The following USP42 variants were observed in gnomAD, a reference collection of about 807,000 sequenced individuals.
The protein encoded by USP42 is ubiquitin carboxyl-terminal hydrolase 42.
USP42 carries 23 observed loss-of-function variants against 113.0 expected under a neutral mutation model. That is an observed-to-expected ratio of 0.20 (90% confidence interval 0.15 to 0.29). The LOEUF (loss-of-function observed/expected upper bound fraction) is 0.29. Among genes scored for constraint, USP42 ranks in the 10% least tolerant of loss-of-function variants. The pLI is 1.00. For missense variants in USP42, 2,174 were observed against 1,779.8 expected (o/e 1.22, Z -3.99); for synonymous variants, 933 against 699.0 (o/e 1.33, Z -5.28).
At position 6,154,118 on chromosome 7, in the gene USP42, T is replaced by G. The variant is rs772247694; in HGVS notation, c.2564T>G (p.Leu855Trp). The change falls in exon 15 of 18, where the codon TTG (leucine) becomes TGG (tryptophan). Residue 855 changes from leucine (L) to tryptophan (W), a missense_variant. Physicochemically the swap from Leu to Trp is moderately conservative, Grantham distance 61 (BLOSUM62 -2). Coordinates refer to ENST00000306177, the MANE Select transcript of USP42 (RefSeq NM_032172.3). ...GCGTTGGCGGAAGCCCCGGAAGGGT[T>G]GAGTCCGGCTCCGCCTGCGCGGTCG... is the stretch of plus-strand genomic sequence containing the variant. ...DSALAEAPEG[L>W]SPAPPARSEE... 2 of 1,602,814 alleles carry G rather than the reference T, an allele frequency of 1.2e-6. No individual in the cohort carries two copies. Among genetic ancestry groups the G allele is most frequent in the Non-Finnish European group, 8.5e-7 (1 of 1,177,272 alleles).
chr7:6,136,394 T>A (rs1437809449), intron 4 of USP42, among the ~76,000 whole-genome samples: 2 of 152,210 alleles, frequency 1.3e-5, no homozygotes, highest in Non-Finnish European at 2.9e-5. Flanking sequence ...TACGTGGCTA[T>A]GTCTTTGATA....
In USP42 at chr7:6,123,115, T is replaced by C. The variant is rs1780328040; in HGVS notation, c.442+7592T>C. Among the ~76,000 whole-genome samples the C allele has an allele frequency of 2.0e-5, 3 of 152,036 alleles. No individual in the cohort carries two copies. The South Asian group carries it at 6.3e-4, about 32-fold the overall frequency. On this transcript the variant is annotated intron_variant, in intron 3 of 17. Coordinates refer to ENST00000306177, the MANE Select transcript of USP42 (RefSeq NM_032172.3). Reference sequence around the variant, plus strand: ...TGCTGGGATTATAGGTCTGAGCCACTGCACCTGGCCTGTTATGCCCTCTTG... The same window carrying C: ...TGCTGGGATTATAGGTCTGAGCCACCGCACCTGGCCTGTTATGCCCTCTTG...
At chr7:6,113,443 T>C (rs893230575) in intron 2 of USP42, among the ~76,000 whole-genome samples, 1 of 152,040 alleles carries the variant, frequency 6.6e-6, no homozygotes, top group African/African-American at 2.4e-5. Flanking sequence ...CTCCCCACTC[T>C]CCCCTTTTCT....
chr7:6,110,307 A>G (rs1041654326), intron 1 of USP42, among the ~76,000 whole-genome samples: 2 of 152,126 alleles, frequency 1.3e-5, no homozygotes, highest in Non-Finnish European at 2.9e-5. Context: ...GCTTCATTTT[A>G]TAGGCCCTGG....
rs1322806447 is a variant in USP42 at position 6,161,463 on chromosome 7, A to AAAG, written c.*946_*948dup. The AAAG allele has an allele frequency of 6.6e-6, 1 of 152,614 alleles. No individual in the cohort carries two copies. Among genetic ancestry groups the AAAG allele is most frequent in the African/African-American group, 2.4e-5 (1 of 41,442 alleles). The allele number at this position is 152,614 out of a possible 1,614,324, so 9.5% of individuals were successfully genotyped here. ...CAGTTTGTGTTGTTCAGAGATGTTT[A>AAAG]AAGTTTGATCTTTGTTTTTCTAAAG... On this transcript the variant is annotated 3_prime_UTR_variant, in exon 18 of 18. Coordinates refer to ENST00000306177, the MANE Select transcript of USP42 (RefSeq NM_032172.3).
chr7:6,132,812 C>T (rs1488484681), intron 3 of USP42, among the ~76,000 whole-genome samples: 2 of 152,194 alleles, frequency 1.3e-5, no homozygotes, highest in Non-Finnish European at 2.9e-5. Context: ...GCTGGGACCA[C>T]AGGTGCGTGC....
chr7:6,119,494 G>A (rs1349091974), intron 3 of USP42, among the ~76,000 whole-genome samples: 1 of 151,996 alleles, frequency 6.6e-6, no homozygotes, highest in Non-Finnish European at 1.5e-5. Flanking sequence ...AAGTTGTTCT[G>A]GCTCTTCATG....
At chr7:6,097,507 A>G in the USP42 span, among the ~76,000 whole-genome samples, 1 of 150,252 alleles carries the variant, frequency 6.7e-6, no homozygotes, top group South Asian at 2.1e-4. Context: ...CCTGGCCTCA[A>G]GTGATCCTCC....
chr7:6,116,959 C>T, intron 3 of USP42: 1 of 464,072 alleles, frequency 2.2e-6, no homozygotes, highest in Non-Finnish European at 4.3e-6. Flanking sequence ...TTTTATGCTA[C>T]TGGTAGTTTT....
chr7:6,117,033 C>G, intron 3 of USP42: 1 of 353,570 alleles, frequency 2.8e-6, no homozygotes, highest in South Asian at 2.3e-5. Flanking sequence ...CCCAGCTTTA[C>G]TGAAGTATAA....
the USP42 span, among the ~76,000 whole-genome samples, chr7:6,094,530 A>G: frequency 6.6e-6 from 1 of 151,248 alleles, no homozygotes; most frequent in Non-Finnish European, 1.5e-5. Context: ...CAAAGGATGG[A>G]GTGGGTAGCG....
At chr7:6,099,584 G>T in the USP42 span, among the ~76,000 whole-genome samples, 4 of 150,566 alleles carry the variant, frequency 2.7e-5, no homozygotes, top group African/African-American at 1.0e-4. Flanking sequence ...CTGACCTCAG[G>T]TGATCCACCT....
At chr7:6,160,021 G>T (rs1317070244) in intron 17 of USP42, among the ~76,000 whole-genome samples, 1 of 152,244 alleles carries the variant, frequency 6.6e-6, no homozygotes, top group African/African-American at 2.4e-5. Flanking sequence ...CAGGACCTCG[G>T]AGCTGTGGGG....
At chr7:6,132,412 C>T (rs1380895607) in intron 3 of USP42, among the ~76,000 whole-genome samples, 4 of 149,586 alleles carry the variant, frequency 2.7e-5, no homozygotes. Context: ...GGCTGGAGTG[C>T]AGTGTTGCGA....
At chr7:6,121,392 G>T (rs929851320) in intron 3 of USP42, among the ~76,000 whole-genome samples, 2 of 152,006 alleles carry the variant, frequency 1.3e-5, no homozygotes, top group African/African-American at 4.8e-5. Flanking sequence ...TGTATTACTG[G>T]CTTTGATTTG....
chr7:6,135,804 A>G (rs751876157), intron 3 of USP42, 37 bp from the exon 4 acceptor site: 15 of 1,383,226 alleles, frequency 1.1e-5, no homozygotes, highest in African/African-American at 2.9e-5. Context: ...ATATGGTTGT[A>G]TTTTGCTAAT....
At chr7:6,125,895 T>A (rs536595884) in intron 3 of USP42, among the ~76,000 whole-genome samples, 46 of 152,294 alleles carry the variant, frequency 3.0e-4, no homozygotes, top group African/African-American at 1.1e-3. Context: ...GTAACTAGAT[T>A]CACATGCACT....
Position 6,139,275 on chromosome 7 carries a change from T to G in USP42, c.656+81T>G. On this transcript the variant is annotated intron_variant, in intron 5 of 17. Transcript: ENST00000306177. This position sits in a 1 kb window ranked among gnomAD's most constrained non-coding sequence, Gnocchi z 4.5. ...ATTCTTATCAGAATTCATTTTCACCTTTTTTGTTGGAAGCACACAGAACAG... is the reference window on the plus strand; with the variant it reads ...ATTCTTATCAGAATTCATTTTCACCGTTTTTGTTGGAAGCACACAGAACAG... 1 of 1,161,226 alleles carries G rather than the reference T, an allele frequency of 8.6e-7. No individual in the cohort carries two copies. Among genetic ancestry groups the G allele is most frequent in the Non-Finnish European group, 1.2e-6 (1 of 834,292 alleles). The allele number at this position is 1,161,226 out of a possible 1,614,324, so 71.9% of individuals were successfully genotyped here. A position where few individuals can be genotyped will look rare whatever the true frequency, so the allele number is the denominator to read the frequency against.
chr7:6,091,547 A>C, the USP42 span, among the ~76,000 whole-genome samples: 1 of 150,766 alleles, frequency 6.6e-6, no homozygotes, highest in African/African-American at 2.5e-5. Flanking sequence ...GCGTCTAGTC[A>C]GCTACCGTAT....
Sources: gnomAD v4.1 joint callset for allele counts (sites outside exome capture counted in the v4.1 genomes callset) on GRCh38, gnomAD v4.1.1 for gene constraint, Gnocchi (gnomAD v3.1) non-coding constraint, MANE v1.5 for transcripts, NCBI Gene and HGNC (gene_info 2026-07-23, HGNC 2026-07-21) for gene names.